Variants in EPS8 observed in about 807,000 individuals in gnomAD.
EPS8 encodes the protein EGFR pathway substrate 8, signaling adaptor, also known as epidermal growth factor receptor kinase substrate 8.
EPS8 carries 42 observed loss-of-function variants against 103.8 expected under a neutral mutation model. The observed-to-expected ratio is 0.40, with a 90% confidence interval of 0.32 to 0.52. The LOEUF (loss-of-function observed/expected upper bound fraction) is 0.52. Among genes scored for constraint, EPS8 ranks in the 20% least tolerant of loss-of-function variants. The pLI is 0.40. For missense variants in EPS8, 969 were observed against 1,005.1 expected (o/e 0.96, Z 0.49); for synonymous variants, 344 against 344.6 (o/e 1.00, Z 0.02).
At chr12:15,686,509 C>T (rs1946097994) in intron 1 of EPS8, among the ~76,000 whole-genome samples, 1 of 151,776 alleles carries the variant, frequency 6.6e-6, no homozygotes, top group African/African-American at 2.4e-5. Context: ...TTATTTTCTA[C>T]AGAAAATAAA....
chr12:15,621,860 T>C (rs1944867101), intron 20 of EPS8, among the ~76,000 whole-genome samples: 1 of 152,138 alleles, frequency 6.6e-6, no homozygotes, highest in South Asian at 2.1e-4. Flanking sequence ...TTCCCCTCCA[T>C]ATAGTTCTGA....
chr12:15,658,081 T>C lies in EPS8; in HGVS notation c.1099A>G (p.Met367Val). The change falls in exon 12 of 21, where the codon ATG becomes GTG. Residue 367 changes from methionine to valine, a missense_variant and splice_region_variant. Transcript: ENST00000281172. ...TTCTTAAACTAATAAAATCTCACCA[T>C]ATTTAATGGAGTAAACAAAAAGTGA... ...LVHFLFTPLN[M>V]VVQATGGPEL... The C allele has an allele frequency of 6.4e-7, 1 of 1,569,382 alleles. No homozygotes were observed. Among genetic ancestry groups the C allele is most frequent in the Non-Finnish European group, 8.8e-7 (1 of 1,140,198 alleles).
At chr12:15,632,113 C>G (rs1237933889) in intron 17 of EPS8, among the ~76,000 whole-genome samples, 1 of 151,906 alleles carries the variant, frequency 6.6e-6, no homozygotes, top group African/African-American at 2.4e-5. Flanking sequence ...ATTTTGTTTC[C>G]AATAAATAAT....
At chr12:15,634,024 C>T (rs1010223431) in intron 17 of EPS8, among the ~76,000 whole-genome samples, 3 of 152,314 alleles carry the variant, frequency 2.0e-5, no homozygotes, top group East Asian at 1.9e-4. Flanking sequence ...ATGATTCCAA[C>T]GTATCTCAGT....
chr12:15,660,555 C>T (rs759825842), intron 10 of EPS8, 59 bp downstream of exon 10: 51 of 870,714 alleles, frequency 5.9e-5, no homozygotes, highest in Non-Finnish European at 6.7e-5. Context: ...TGAGCCACTG[C>T]GCCCAGCCAG....
intron 1 of EPS8, chr12:15,732,803 T>C: frequency 1.0e-6 from 1 of 969,946 alleles, no homozygotes; most frequent in Non-Finnish European, 1.2e-6. Context: ...ATAAAACTCT[T>C]GAGCTAGCGC....
At chr12:15,666,729 A>G (rs943174565) in intron 6 of EPS8, among the ~76,000 whole-genome samples, 13 of 152,212 alleles carry the variant, frequency 8.5e-5, no homozygotes, top group Non-Finnish European at 1.6e-4. Flanking sequence ...AACTGAAGAA[A>G]TTTTTAATGA....
intron 1 of EPS8, among the ~76,000 whole-genome samples, chr12:15,710,378 T>C (rs1946445832): frequency 6.6e-6 from 1 of 152,096 alleles, no homozygotes; most frequent in Admixed American, 6.5e-5. Context: ...ATCAAGAAAA[T>C]GCACACAAAT....
intron 1 of EPS8, among the ~76,000 whole-genome samples, chr12:15,739,282 C>A (rs1404448966): frequency 6.6e-6 from 1 of 152,184 alleles, no homozygotes; most frequent in Non-Finnish European, 1.5e-5. Context: ...TCCACATTCT[C>A]CACCACTGAC....
In EPS8 at chr12:15,761,470, T is replaced by C. The variant is rs993869437; in HGVS notation, c.-22+27691A>G. 2.0e-5 allele frequency among the ~76,000 whole-genome samples: 3 copies of C among 152,044 alleles called. No individual in the cohort carries two copies. The highest frequency in any genetic ancestry group is 2.0e-4 in the Admixed American group (3 of 15,254). On this transcript the variant is annotated intron_variant, in intron 1 of 20. Transcript: ENST00000281172. This position sits in a 1 kb window ranked among gnomAD's most constrained non-coding sequence, Gnocchi z 4.5. ...ATATGGACCCACAAAAGACCCAGTA[T>C]ACCCAAAGCTATCCTAATCAAAAAG...
chr12:15,643,023 T>A (rs1430387045), intron 15 of EPS8, among the ~76,000 whole-genome samples: 1 of 152,150 alleles, frequency 6.6e-6, no homozygotes, highest in Non-Finnish European at 1.5e-5. Flanking sequence ...ATTATGTTAT[T>A]AATAATAATA....
In EPS8 at chr12:15,728,759, A is replaced by G. The variant is rs1946681763; in HGVS notation, c.-21-45787T>C. Among the ~76,000 whole-genome samples the G allele has an allele frequency of 6.6e-6, 1 of 152,196 alleles. No individual in the cohort carries two copies. The highest frequency in any genetic ancestry group is 2.4e-5 in the African/African-American group (1 of 41,450). On this transcript the variant is annotated intron_variant, in intron 1 of 20. Coordinates refer to ENST00000281172, the MANE Select transcript of EPS8 (RefSeq NM_004447.6). The surrounding 1 kb of genome is among the most constrained non-coding windows in gnomAD (Gnocchi z 4.5). The stretch of plus-strand genomic sequence containing the variant: ...TGAAAATGTTTGTTGCAGAGATGCT[A>G]TTTCTAGAAATATTTAAAGCACAAT...
chr12:15,758,383 A>G (rs537005721), intron 1 of EPS8, among the ~76,000 whole-genome samples: 7 of 152,338 alleles, frequency 4.6e-5, no homozygotes, highest in South Asian at 4.1e-4. Flanking sequence ...CAAAAAATCA[A>G]TTTCACAAAG....
chr12:15,760,621 C>T lies in EPS8; in HGVS notation c.-22+28540G>A, dbSNP rs61908137. On this transcript the variant is annotated intron_variant, in intron 1 of 20. Coordinates refer to ENST00000281172, the MANE Select transcript of EPS8 (RefSeq NM_004447.6). The surrounding 1 kb of genome is among the most constrained non-coding windows in gnomAD (Gnocchi z 4.5). Reference sequence around the variant, plus strand: ...TCATCATAACCAGGTGGGATAAATCCCACCAATACAAGAATGGTTCAACAT... The same window carrying T: ...TCATCATAACCAGGTGGGATAAATCTCACCAATACAAGAATGGTTCAACAT... 0.015 allele frequency among the ~76,000 whole-genome samples: 2,264 copies of T among 152,072 alleles called. 21 individuals carry two copies. The highest frequency in any genetic ancestry group is 0.029 in the South Asian group (138 of 4,828).
chr12:15,688,180 G>C lies in EPS8; in HGVS notation c.-21-5208C>G, dbSNP rs373955875. Among the ~76,000 whole-genome samples, 124 of 152,254 alleles carry C rather than the reference G, an allele frequency of 8.1e-4. 1 individual carries two copies. The highest frequency in any genetic ancestry group is 2.7e-3 in the African/African-American group (111 of 41,554). On this transcript the variant is annotated intron_variant, in intron 1 of 20. Coordinates refer to ENST00000281172, the MANE Select transcript of EPS8 (RefSeq NM_004447.6). This position sits in a 1 kb window ranked among gnomAD's most constrained non-coding sequence, Gnocchi z 5.1. ...AAAGAAAACATTTAATGAGCCCCCAGTTCATAAGACATTTTACAAATATCA... is the reference window on the plus strand; with the variant it reads ...AAAGAAAACATTTAATGAGCCCCCACTTCATAAGACATTTTACAAATATCA...
intron 4 of EPS8, among the ~76,000 whole-genome samples, chr12:15,670,533 A>G (rs1945797007): frequency 6.6e-6 from 1 of 152,164 alleles, no homozygotes; most frequent in Non-Finnish European, 1.5e-5. Context: ...TAAAAACTAA[A>G]TTGCTCACTG....
intron 17 of EPS8, among the ~76,000 whole-genome samples, chr12:15,637,545 C>A (rs894032687): frequency 6.6e-6 from 1 of 152,190 alleles, no homozygotes; most frequent in African/African-American, 2.4e-5. Context: ...TCAAACAATG[C>A]CTGGCACAGC....
At position 15,751,525 on chromosome 12, in the gene EPS8, C is replaced by T. The variant is rs1946931179; in HGVS notation, c.-22+37636G>A. Among the ~76,000 whole-genome samples, 1 of 152,072 alleles carries T rather than the reference C, an allele frequency of 6.6e-6. No homozygotes were observed. The highest frequency in any genetic ancestry group is 1.5e-5 in the Non-Finnish European group (1 of 68,022). On this transcript the variant is annotated intron_variant, in intron 1 of 20. Coordinates refer to ENST00000281172, the MANE Select transcript of EPS8 (RefSeq NM_004447.6). This position sits in a 1 kb window ranked among gnomAD's most constrained non-coding sequence, Gnocchi z 4.3. Reference sequence around the variant, plus strand: ...CACATTCAAGTGTCCTCCAGACAAACCGGTCAATTAGTGTGCCTCCACAAA... The same window carrying T: ...CACATTCAAGTGTCCTCCAGACAAATCGGTCAATTAGTGTGCCTCCACAAA...
In EPS8 at chr12:15,658,197, A is replaced by G. The variant is rs778220575; in HGVS notation, c.1027-44T>C. The G allele has an allele frequency of 5.9e-6, 8 of 1,359,198 alleles. No individual in the cohort carries two copies. In the East Asian group the frequency reaches 1.8e-4, roughly 31 times the overall value. 84.2% of individuals were successfully genotyped at this position (1,359,198 alleles called of 1,614,324 possible). A position where few individuals can be genotyped will look rare whatever the true frequency, so the allele number is the denominator to read the frequency against. Reference sequence around the variant, plus strand: ...AGAAAACAGATTACTATCAAGCAAGACAGACACTCAGAAAGGTCCAACATA... The same window carrying G: ...AGAAAACAGATTACTATCAAGCAAGGCAGACACTCAGAAAGGTCCAACATA... On this transcript the variant is annotated intron_variant, in intron 11 of 20. Transcript: ENST00000281172.
Sources: gnomAD v4.1 joint callset for allele counts (sites outside exome capture counted in the v4.1 genomes callset) on GRCh38, gnomAD v4.1.1 for gene constraint, Gnocchi (gnomAD v3.1) non-coding constraint, MANE v1.5 for transcripts, NCBI Gene and HGNC (gene_info 2026-07-23, HGNC 2026-07-21) for gene names.